Variants in TNS3 observed in about 807,000 individuals in gnomAD.
The protein encoded by TNS3 is tensin-3.
A neutral mutation model predicts 140.9 loss-of-function variants in TNS3; 45 were observed. The observed-to-expected ratio is 0.32, with a 90% CI of 0.25 to 0.41. The LOEUF is 0.41. Among genes scored for constraint, TNS3 ranks in the 10% least tolerant of loss-of-function variants. The probability of loss-of-function intolerance (pLI) is 1.00; values close to 1 mark genes in which losing one functional copy is unlikely to be tolerated. For missense variants in TNS3, 1,716 were observed against 1,906.7 expected, an observed-to-expected ratio of 0.90 and a Z score of 1.86; for synonymous variants, 815 against 788.4, an observed-to-expected ratio of 1.03 and a Z score of -0.56.
chr7:47,360,166 G>A (rs570649827), intron 17 of TNS3, among the ~76,000 whole-genome samples: 8 of 152,258 alleles, frequency 5.3e-5, no homozygotes, highest in South Asian at 2.1e-4. Flanking sequence ...AACGTTTTCC[G>A]AATTGGACAC....
At chr7:47,373,904 C>A (rs1266304978) in intron 16 of TNS3, among the ~76,000 whole-genome samples, 4 of 152,214 alleles carry the variant, frequency 2.6e-5, no homozygotes, top group African/African-American at 9.6e-5. Context: ...ACCAAACACA[C>A]ACACAGCCCA....
chr7:47,493,561 G>C (rs748287688), intron 3 of TNS3, among the ~76,000 whole-genome samples: 9 of 151,764 alleles, frequency 5.9e-5, no homozygotes, highest in Admixed American at 3.3e-4. Context: ...GCTCACACCT[G>C]TAATCCCAGC....
At chr7:47,414,952 C>G (rs1232208984) in intron 11 of TNS3, 142 bp downstream of exon 11, 1 of 639,986 alleles carries the variant, frequency 1.6e-6, no homozygotes, top group African/African-American at 1.9e-5. Flanking sequence ...AAGGGGGACC[C>G]AGTCAATCGC....
At chr7:47,524,156 G>A (rs531600778) in intron 2 of TNS3, among the ~76,000 whole-genome samples, 55 of 152,306 alleles carry the variant, frequency 3.6e-4, no homozygotes, top group Admixed American at 1.1e-3. Context: ...CGAAGCAGCC[G>A]TCCCCTGGGG....
chr7:47,508,588 T>C (rs1183218651), intron 2 of TNS3, among the ~76,000 whole-genome samples: 1 of 152,218 alleles, frequency 6.6e-6, no homozygotes, highest in African/African-American at 2.4e-5. Context: ...TCTAGCAGCA[T>C]GTCACAGGAC....
chr7:47,502,492 TG>T (rs1798263374), intron 3 of TNS3, among the ~76,000 whole-genome samples: 1 of 152,064 alleles, frequency 6.6e-6, no homozygotes, highest in Non-Finnish European at 1.5e-5. Context: ...GCCTGTCTGG[TG>T]GAAGTGAAAA....
At chr7:47,540,081 G>A (rs780990047) in intron 1 of TNS3, among the ~76,000 whole-genome samples, 3 of 152,102 alleles carry the variant, frequency 2.0e-5, no homozygotes, top group African/African-American at 4.8e-5. Flanking sequence ...AATTTTCTTC[G>A]TGCTTTGCCA....
intron 1 of TNS3, among the ~76,000 whole-genome samples, chr7:47,537,485 G>A (rs1799645029): frequency 6.6e-6 from 1 of 152,104 alleles, no homozygotes; most frequent in Non-Finnish European, 1.5e-5. Flanking sequence ...GAAAGTGGGT[G>A]AGGAAACGCC....
intron 3 of TNS3, among the ~76,000 whole-genome samples, chr7:47,497,422 G>T (rs1424425892): frequency 6.6e-6 from 1 of 152,144 alleles, no homozygotes; most frequent in East Asian, 1.9e-4. Context: ...CCTCTTAGTA[G>T]GGGTTAATTC....
chr7:47,407,396 T>A lies in TNS3; in HGVS notation c.723+4331A>T, dbSNP rs188242558. ...GCTCATCTCCCTGAAGGACCCAGACTCCCGGGAGCAGGAGCCCTGCACTGC... is the reference window on the plus strand; with the variant it reads ...GCTCATCTCCCTGAAGGACCCAGACACCCGGGAGCAGGAGCCCTGCACTGC... On this transcript the variant is annotated intron_variant, in intron 13 of 30. Coordinates refer to ENST00000311160, the MANE Select transcript of TNS3 (RefSeq NM_022748.12). This position sits in a 1 kb window ranked among gnomAD's most constrained non-coding sequence, Gnocchi z 4.1. Among the ~76,000 whole-genome samples the A allele has an allele frequency of 1.3e-5, 2 of 152,204 alleles. No homozygotes were observed. The highest frequency in any genetic ancestry group is 4.8e-5 in the African/African-American group (2 of 41,534).
chr7:47,379,546 T>C (rs1425829525), intron 16 of TNS3, among the ~76,000 whole-genome samples: 2 of 152,192 alleles, frequency 1.3e-5, no homozygotes, highest in Non-Finnish European at 2.9e-5. Context: ...TCTATGATTT[T>C]GATATATTTC....
chr7:47,570,299 C>G (rs1287178048), intron 1 of TNS3, among the ~76,000 whole-genome samples: 1 of 152,212 alleles, frequency 6.6e-6, no homozygotes, highest in Non-Finnish European at 1.5e-5. Context: ...AAACAAACCC[C>G]ACAACACACT....
At chr7:47,441,941 C>T in intron 5 of TNS3, 62 bp downstream of exon 5, 1 of 1,191,556 alleles carries the variant, frequency 8.4e-7, no homozygotes, top group Non-Finnish European at 1.1e-6. Context: ...CCCAAGTTTC[C>T]TCTGTAGAGA....
intron 4 of TNS3, among the ~76,000 whole-genome samples, chr7:47,456,928 T>C (rs1409103530): frequency 6.6e-6 from 1 of 151,808 alleles, no homozygotes; most frequent in African/African-American, 2.4e-5. Flanking sequence ...GTGAATGACA[T>C]TAACGAGACT....
intron 3 of TNS3, among the ~76,000 whole-genome samples, chr7:47,503,967 T>C (rs970574837): frequency 3.3e-5 from 5 of 152,050 alleles, no homozygotes; most frequent in African/African-American, 1.2e-4. Flanking sequence ...CCTAATCATC[T>C]CCCCAAAGGC....
At chr7:47,578,991 G>A (rs748656913) in intron 1 of TNS3, among the ~76,000 whole-genome samples, 10 of 152,054 alleles carry the variant, frequency 6.6e-5, no homozygotes, top group Non-Finnish European at 1.2e-4. Flanking sequence ...GTGAGGCAGC[G>A]TGGAAACGAC....
At chr7:47,464,304 G>A (rs1415574501) in intron 4 of TNS3, among the ~76,000 whole-genome samples, 3 of 152,170 alleles carry the variant, frequency 2.0e-5, no homozygotes, top group Admixed American at 1.3e-4. Context: ...TCTGGAGCAC[G>A]TACGACAGAA....
chr7:47,537,505 G>C (rs377494468), intron 1 of TNS3, among the ~76,000 whole-genome samples: 6 of 152,082 alleles, frequency 3.9e-5, no homozygotes, highest in East Asian at 2.0e-4. Context: ...CTTCCAGGCG[G>C]GGGGAGCAGG....
At chr7:47,536,227 T>G (rs77048691) in intron 1 of TNS3, among the ~76,000 whole-genome samples, 3,918 of 152,278 alleles carry the variant, frequency 0.026, 182 homozygotes, top group African/African-American at 0.09. Flanking sequence ...TGACAGTTTT[T>G]CACCCCACAG....
Sources: allele counts gnomAD v4.1 joint callset (sites outside exome capture counted in the v4.1 genomes callset), GRCh38; gene constraint gnomAD v4.1.1; non-coding constraint Gnocchi (gnomAD v3.1); transcripts MANE v1.5; gene names NCBI Gene and HGNC (gene_info 2026-07-23, HGNC 2026-07-21).